Variants in HP1BP3 observed in about 807,000 individuals in gnomAD.
HP1BP3 encodes the protein heterochromatin protein 1 binding protein 3.
HP1BP3 carries 12 observed loss-of-function variants against 62.5 expected under a neutral mutation model. That is an observed-to-expected ratio of 0.19 (90% confidence interval 0.12 to 0.31). The LOEUF (loss-of-function observed/expected upper bound fraction) is 0.31, where lower values mean the gene tolerates loss of function less well. Among genes scored for constraint, HP1BP3 ranks in the 10% least tolerant of loss-of-function variants. HP1BP3 has a pLI of 1.00. For missense variants in HP1BP3, 502 were observed against 651.8 expected (o/e 0.77, Z 2.50); for synonymous variants, 260 against 237.8 (o/e 1.09, Z -0.86).
Position 20,765,516 on chromosome 1 carries a change from C to G in HP1BP3, c.751G>C (p.Val251Leu). The stretch of plus-strand genomic sequence containing the variant: ...AATTTTACTTGTGGTTCTGGATCCA[C>G]TGCAGAGCTCCTATTCTGAAAAGTA... ...SRNRKNRSSA[V>L]DPEPQVKLED... The change falls in exon 8 of 13, where the codon GTG becomes CTG. Residue 251 changes from valine (V) to leucine (L), a missense_variant. Val to Leu is a conservative substitution (Grantham distance 32). This residue lies in a region of HP1BP3 where 111 missense variants were observed against 242.0 expected (regional missense o/e 0.46). Transcript: ENST00000438032. The G allele has an allele frequency of 6.2e-7, 1 of 1,612,608 alleles. No homozygotes were observed. Among genetic ancestry groups the G allele is most frequent in the Non-Finnish European group, 8.5e-7 (1 of 1,179,114 alleles).
At chr1:20,771,346 T>G (rs1048402446) in intron 5 of HP1BP3, among the ~76,000 whole-genome samples, 6 of 152,228 alleles carry the variant, frequency 3.9e-5, no homozygotes, top group Non-Finnish European at 8.8e-5. Context: ...TCTTTCCATT[T>G]TAATTCCATT....
intron 11 of HP1BP3, among the ~76,000 whole-genome samples, chr1:20,746,430 A>G (rs1264513943): frequency 6.6e-6 from 1 of 152,162 alleles, no homozygotes. Context: ...AATTTATATA[A>G]TATGTATTAA....
intron 1 of HP1BP3, among the ~76,000 whole-genome samples, chr1:20,785,998 C>G (rs912587379): frequency 2.6e-5 from 4 of 152,210 alleles, no homozygotes; most frequent in African/African-American, 9.6e-5. Flanking sequence ...ATTGGATTCT[C>G]ACTTTTTAAT....
chr1:20,747,001 G>A (rs1470989729), intron 11 of HP1BP3, among the ~76,000 whole-genome samples: 1 of 152,190 alleles, frequency 6.6e-6, no homozygotes, highest in Admixed American at 6.5e-5. Context: ...GCGATAGAGT[G>A]AGACCCTGTC....
intron 5 of HP1BP3, 112 bp from the exon 6 acceptor site, chr1:20,771,185 AG>A: frequency 1.2e-6 from 1 of 840,678 alleles, no homozygotes; most frequent in East Asian, 2.7e-5. Context: ...CAAAAACGGT[AG>A]GGAAGAATGA....
intron 7 of HP1BP3, among the ~76,000 whole-genome samples, chr1:20,766,213 C>T (rs1201600598): frequency 6.6e-6 from 1 of 152,074 alleles, no homozygotes; most frequent in Non-Finnish European, 1.5e-5. Flanking sequence ...ATCACTTGAA[C>T]CCGGAAGGCG....
chr1:20,757,484 G>A (rs1284688548), intron 8 of HP1BP3, among the ~76,000 whole-genome samples: 5 of 151,428 alleles, frequency 3.3e-5, no homozygotes, highest in Admixed American at 6.6e-5. Flanking sequence ...CAATTCTCCT[G>A]CCTCAGCCTC....
chr1:20,773,823 G>A, intron 4 of HP1BP3: 1 of 378,610 alleles, frequency 2.6e-6, no homozygotes, highest in East Asian at 4.2e-5. Flanking sequence ...TCTCTTAGCT[G>A]CAGGAGAAAG....
At chr1:20,747,488 G>T in intron 11 of HP1BP3, 56 bp downstream of exon 11, 2 of 1,053,062 alleles carry the variant, frequency 1.9e-6, no homozygotes, top group South Asian at 1.4e-5. Flanking sequence ...AAATTAAACT[G>T]AGTGTGTAAC....
intron 7 of HP1BP3, 43 bp from the exon 8 acceptor site, chr1:20,765,574 A>G: frequency 6.6e-7 from 1 of 1,516,640 alleles, no homozygotes; most frequent in Non-Finnish European, 9.0e-7. Context: ...ATAGAACGTA[A>G]ATGTTTCTAC....
intron 3 of HP1BP3, among the ~76,000 whole-genome samples, chr1:20,777,749 C>G (rs1318220724): frequency 1.3e-5 from 2 of 152,148 alleles, no homozygotes; most frequent in Non-Finnish European, 2.9e-5. Context: ...TGAGCCACCG[C>G]GCCCAGCTAT....
intron 9 of HP1BP3, chr1:20,750,199 T>A (rs551396407): frequency 8.9e-4 from 188 of 210,976 alleles, no homozygotes; most frequent in African/African-American, 4.2e-3. Flanking sequence ...AAAATTAAGA[T>A]TCTTTTGGCT....
chr1:20,753,329 G>C (rs1265530134), intron 9 of HP1BP3, among the ~76,000 whole-genome samples: 1 of 152,238 alleles, frequency 6.6e-6, no homozygotes, highest in South Asian at 2.1e-4. Flanking sequence ...TCTTGCAAAT[G>C]AACTAAAAGA....
intron 8 of HP1BP3, among the ~76,000 whole-genome samples, chr1:20,758,375 T>C (rs1039358109): frequency 6.6e-6 from 1 of 151,834 alleles, no homozygotes; most frequent in African/African-American, 2.4e-5. Context: ...AGACGCATTC[T>C]CCCTCTGTCA....
At chr1:20,782,621 G>A (rs2057612515) in intron 1 of HP1BP3, among the ~76,000 whole-genome samples, 1 of 151,186 alleles carries the variant, frequency 6.6e-6, no homozygotes, top group East Asian at 1.9e-4. Context: ...AACACAAAAG[G>A]GCCAGGCATG....
intron 9 of HP1BP3, among the ~76,000 whole-genome samples, chr1:20,754,934 A>G (rs2056009064): frequency 6.6e-6 from 1 of 152,212 alleles, no homozygotes; most frequent in South Asian, 2.1e-4. Context: ...ATAAAACTGC[A>G]AAAGCAATTT....
intron 6 of HP1BP3, among the ~76,000 whole-genome samples, chr1:20,769,038 G>C (rs929561856): frequency 1.3e-5 from 2 of 152,082 alleles, no homozygotes; most frequent in African/African-American, 4.8e-5. Context: ...TTACACAACA[G>C]GTCCTTGGCT....
At chr1:20,779,974 A>G (rs751919577) in intron 2 of HP1BP3, 63 bp from the exon 3 acceptor site, 28 of 1,301,240 alleles carry the variant, frequency 2.2e-5, no homozygotes, top group Middle Eastern at 1.8e-4. Flanking sequence ...CTCTTTCTCA[A>G]AGGGCCTAAC....
chr1:20,750,785 C>T (rs1425957827), intron 9 of HP1BP3, among the ~76,000 whole-genome samples: 1 of 151,034 alleles, frequency 6.6e-6, no homozygotes, highest in Non-Finnish European at 1.5e-5. Flanking sequence ...TCATCCACTT[C>T]CACTTAATGA....
Sources: gnomAD v4.1 joint callset for allele counts (sites outside exome capture counted in the v4.1 genomes callset) on GRCh38, gnomAD v4.1.1 for gene constraint, gnomAD v4.1.1 regional missense constraint, MANE v1.5 for transcripts, NCBI Gene and HGNC (gene_info 2026-07-23, HGNC 2026-07-21) for gene names.